Variants in ARHGAP24 observed in about 807,000 individuals in gnomAD.
ARHGAP24 encodes Rho GTPase activating protein 24.
ARHGAP24 carries 50 observed loss-of-function variants against 76.4 expected under a neutral mutation model. The ratio of observed to expected loss-of-function variants is 0.65; its 90% CI spans 0.52 to 0.83. The LOEUF is 0.83. Ranked by LOEUF, ARHGAP24 falls within the 40% of genes least tolerant of loss-of-function variation. ARHGAP24 has a pLI of 0.00. For synonymous variants in ARHGAP24, 345 were observed against 323.3 expected, an observed-to-expected ratio of 1.07 and a Z score of -0.72; for missense variants, 930 against 914.2, an observed-to-expected ratio of 1.02 and a Z score of -0.22.
At chr4:85,666,541 A>G (rs907088867) in intron 2 of ARHGAP24, among the ~76,000 whole-genome samples, 8 of 152,202 alleles carry the variant, frequency 5.3e-5, no homozygotes, top group Non-Finnish European at 1.2e-4. Context: ...CTGGTGAGGA[A>G]CTGCATTCCT....
At chr4:85,826,301 C>T (rs908948045) in intron 3 of ARHGAP24, among the ~76,000 whole-genome samples, 1 of 152,164 alleles carries the variant, frequency 6.6e-6, no homozygotes, top group African/African-American at 2.4e-5. Context: ...CTTCTCCATC[C>T]CCCTCAAACA....
intron 8 of ARHGAP24, among the ~76,000 whole-genome samples, chr4:85,978,022 GTTA>G (rs1380052836): frequency 6.6e-6 from 1 of 152,070 alleles, no homozygotes; most frequent in Non-Finnish European, 1.5e-5. Context: ...AATTCAAAAA[GTTA>G]TTATTTTCAG....
At chr4:85,853,872 T>C (rs28698740) in intron 3 of ARHGAP24, among the ~76,000 whole-genome samples, 71,913 of 151,418 alleles carry the variant, frequency 0.47, 18,524 homozygotes, top group East Asian at 0.86. Flanking sequence ...GAGAATCACT[T>C]GAACCTGGGA....
intron 2 of ARHGAP24, among the ~76,000 whole-genome samples, chr4:85,627,749 C>A (rs1282162622): frequency 2.6e-5 from 4 of 152,348 alleles, no homozygotes; most frequent in African/African-American, 9.6e-5. Flanking sequence ...GCTCTGTTTA[C>A]CTAATCAAAC....
At chr4:85,778,480 C>T (rs570161285) in intron 3 of ARHGAP24, among the ~76,000 whole-genome samples, 12 of 152,224 alleles carry the variant, frequency 7.9e-5, no homozygotes, top group African/African-American at 9.6e-5. Flanking sequence ...ACTAACTAGC[C>T]GTGTGAGTGA....
intron 2 of ARHGAP24, among the ~76,000 whole-genome samples, chr4:85,721,047 TTAAGTA>T (rs1455893351): frequency 2.0e-5 from 3 of 152,098 alleles, no homozygotes; most frequent in Admixed American, 6.6e-5. Context: ...ACACAGACTT[TTAAGTA>T]TATCTCAGCA....
chr4:85,988,786 CACTCA>C (rs1740154700), intron 8 of ARHGAP24, among the ~76,000 whole-genome samples: 1 of 151,440 alleles, frequency 6.6e-6, no homozygotes, highest in African/African-American at 2.4e-5. Flanking sequence ...AAAAATTCAA[CACTCA>C]ACTCTATACT....
intron 3 of ARHGAP24, among the ~76,000 whole-genome samples, chr4:85,741,212 T>C (rs1321635506): frequency 4.6e-5 from 7 of 152,096 alleles, no homozygotes; most frequent in Admixed American, 4.6e-4. Context: ...TGTTTCCCAC[T>C]AGGCACAAGA....
intron 5 of ARHGAP24, among the ~76,000 whole-genome samples, chr4:85,965,330 G>A (rs1738525269): frequency 6.6e-6 from 1 of 152,026 alleles, no homozygotes; most frequent in Non-Finnish European, 1.5e-5. Flanking sequence ...GGAAAGACCA[G>A]CCCCCATGAT....
intron 3 of ARHGAP24, among the ~76,000 whole-genome samples, chr4:85,725,992 A>C (rs1293714661): frequency 2.0e-5 from 3 of 152,134 alleles, no homozygotes; most frequent in Non-Finnish European, 4.4e-5. Flanking sequence ...ATTTACCAGC[A>C]ATACTCTTGT....
At chr4:85,556,497 TCCC>T (rs1471191048) in intron 1 of ARHGAP24, among the ~76,000 whole-genome samples, 3 of 152,038 alleles carry the variant, frequency 2.0e-5, no homozygotes, top group Non-Finnish European at 2.9e-5. Context: ...CTTTGTTCCT[TCCC>T]CAGCCCGAGG....
At chr4:85,840,391 C>T (rs1458815202) in intron 3 of ARHGAP24, among the ~76,000 whole-genome samples, 1 of 152,196 alleles carries the variant, frequency 6.6e-6, no homozygotes, top group Non-Finnish European at 1.5e-5. Context: ...GTCTAAATAA[C>T]AGCTATGAAG....
chr4:85,935,788 G>T (rs1736597233), intron 4 of ARHGAP24, among the ~76,000 whole-genome samples: 1 of 152,148 alleles, frequency 6.6e-6, no homozygotes. Context: ...AATGGTCAAA[G>T]ACCTAGTCCA....
intron 3 of ARHGAP24, among the ~76,000 whole-genome samples, chr4:85,800,480 G>A (rs1049320246): frequency 6.6e-6 from 1 of 151,422 alleles, no homozygotes; most frequent in Non-Finnish European, 1.5e-5. Context: ...CTGGACATAA[G>A]GTAGGAATTA....
intron 3 of ARHGAP24, chr4:85,827,818 T>TC: frequency 2.2e-6 from 2 of 904,406 alleles, no homozygotes; most frequent in Non-Finnish European, 3.1e-6. Flanking sequence ...TCCTGGGTGA[T>TC]GGAGTCATGG....
intron 1 of ARHGAP24, 125 bp downstream of exon 1, chr4:85,475,684 CGGGGG>C (rs1722559712): frequency 4.6e-4 from 2 of 4,312 alleles, no homozygotes; most frequent in Non-Finnish European, 1.1e-3. Flanking sequence ...GAGGGGGCTG[CGGGGG>C]GCGGGGAGGG....
At chr4:85,621,607 G>A (rs1045008216) in intron 2 of ARHGAP24, among the ~76,000 whole-genome samples, 5 of 151,798 alleles carry the variant, frequency 3.3e-5, no homozygotes, top group Admixed American at 6.6e-5. Context: ...ACTTTTTAAT[G>A]GAGTTATTTT....
Position 85,930,354 on chromosome 4 carries a change from G to A in ARHGAP24, c.391+6584G>A, listed in dbSNP as rs189000400. 276 of 986,178 alleles carry A rather than the reference G, an allele frequency of 2.8e-4. 1 individual carries two copies. In the Admixed American group the frequency reaches 0.015, roughly 53 times the overall value. 61.1% of individuals were successfully genotyped at this position (986,178 alleles called of 1,614,324 possible). A position where few individuals can be genotyped will look rare whatever the true frequency, so the allele number is the denominator to read the frequency against. On this transcript the variant is annotated intron_variant, in intron 4 of 9. Transcript: ENST00000395184. ...GGGGGTGCTATAAAAGAAGCAGGGG[G>A]GTCCTTTGAAAGAAATCTATCATGC... is the stretch of plus-strand genomic sequence containing the variant.
At chr4:85,476,277 A>G (rs568629440) in intron 1 of ARHGAP24, among the ~76,000 whole-genome samples, 1 of 152,046 alleles carries the variant, frequency 6.6e-6, no homozygotes, top group Non-Finnish European at 1.5e-5. Flanking sequence ...AAGGGAGACA[A>G]TGTTACTCTG....
Sources: allele counts gnomAD v4.1 joint callset (sites outside exome capture counted in the v4.1 genomes callset), GRCh38; gene constraint gnomAD v4.1.1; transcripts MANE v1.5; gene names NCBI Gene and HGNC (gene_info 2026-07-23, HGNC 2026-07-21).